TFF1: variants seen among roughly 807,000 people sequenced by gnomAD.
The protein encoded by TFF1 is trefoil factor 1.
A neutral mutation model predicts 7.7 loss-of-function variants in TFF1; 8 were observed. That is an observed-to-expected ratio of 1.04 (90% CI 0.61 to 1.87). The LOEUF is 1.87. Among genes scored for constraint, TFF1 ranks in the 40% most tolerant of loss-of-function variants. The pLI, the probability that TFF1 is intolerant of heterozygous loss-of-function variation, is 0.00. For missense variants in TFF1, 120 were observed against 113.4 expected, an observed-to-expected ratio of 1.06 and a Z score of -0.26; for synonymous variants, 47 against 44.8, an observed-to-expected ratio of 1.05 and a Z score of -0.19.
chr21:42,363,160 C>T, intron 2 of TFF1, 95 bp downstream of exon 2: 1 of 1,534,168 alleles, frequency 6.5e-7, no homozygotes, highest in Non-Finnish European at 8.9e-7. Flanking sequence ...TGTGTAAAGG[C>T]ATAGCTGGTG....
At chr21:42,362,887 C>T (rs957731435) in intron 2 of TFF1, among the ~76,000 whole-genome samples, 17 of 135,572 alleles carry the variant, frequency 1.3e-4, no homozygotes, top group African/African-American at 4.5e-4. Context: ...GGCAACGGAG[C>T]GAGACTCCAT....
chr21:42,365,794 C>T (rs73905611), intron 1 of TFF1, among the ~76,000 whole-genome samples: 3,075 of 152,258 alleles, frequency 0.02, 110 homozygotes, highest in African/African-American at 0.07. Flanking sequence ...CCTCCTCCTC[C>T]ACTCCCTAGA....
intron 1 of TFF1, among the ~76,000 whole-genome samples, chr21:42,364,387 G>T (rs570428588): frequency 6.6e-6 from 1 of 152,322 alleles, no homozygotes; most frequent in Non-Finnish European, 1.5e-5. Context: ...GGACCGGGTG[G>T]GGTGGTCTAG....
At chr21:42,363,843 T>C (rs1261105102) in intron 1 of TFF1, among the ~76,000 whole-genome samples, 1 of 152,156 alleles carries the variant, frequency 6.6e-6, no homozygotes, top group African/African-American at 2.4e-5. Context: ...CCCAGGCTCA[T>C]GCCTGTAATC....
chr21:42,364,982 G>A (rs1021806607), intron 1 of TFF1, among the ~76,000 whole-genome samples: 2 of 152,092 alleles, frequency 1.3e-5, no homozygotes. Flanking sequence ...TGGGGGTCGG[G>A]GGGGTTTCCT....
At position 42,366,517 on chromosome 21, in the gene TFF1, G is replaced by A; in HGVS notation, c.-22C>T. ...CCATTGCCTCCTCTCTGCTCCAAAG[G>A]CGACCCCGAGTCAGGGATGAGAGGC... On this transcript the variant is annotated 5_prime_UTR_variant, in exon 1 of 3. Transcript: ENST00000291527. The A allele has an allele frequency of 6.3e-7, 1 of 1,598,376 alleles. No individual in the cohort carries two copies. Among genetic ancestry groups the A allele is most frequent in the Non-Finnish European group, 8.6e-7 (1 of 1,169,034 alleles).
In TFF1 at chr21:42,366,486, T is replaced by C; in HGVS notation, c.10A>G (p.Met4Val). 6.2e-7 allele frequency: 1 copy of C among 1,611,544 alleles called. No individual in the cohort carries two copies. The highest frequency in any genetic ancestry group is 1.3e-5 in the African/African-American group (1 of 74,996). MAT[M>V]ENKVICALVL... ...AGGGCGCAGATCACCTTGTTCTCCA[T>C]GGTGGCCATTGCCTCCTCTCTGCTC... is the stretch of plus-strand genomic sequence containing the variant. The change falls in exon 1 of 3, where the codon ATG becomes GTG. Residue 4 changes from methionine to valine, a missense_variant. Physicochemically the swap from Met to Val is conservative, Grantham distance 21. Transcript: ENST00000291527.
At position 42,363,341 on chromosome 21, in the gene TFF1, C is replaced by T; in HGVS notation, c.152G>A (p.Cys51Tyr). 2 of 1,614,172 alleles carry T rather than the reference C, an allele frequency of 1.2e-6. No homozygotes were observed. The highest frequency in any genetic ancestry group is 1.7e-6 in the Non-Finnish European group (2 of 1,180,030). The change falls in exon 2 of 3, where the codon TGT (cysteine) becomes TAT (tyrosine). Residue 51 changes from cysteine to tyrosine, a missense_variant. Transcript: ENST00000291527. The part of the protein sequence containing the change: ...CGFPGVTPSQ[C>Y]ANKGCCFDDT... ...GTCGAAACAGCAGCCCTTATTTGCA[C>T]ACTGGGAGGGCGTGACACCAGGAAA...
intron 2 of TFF1, 130 bp from the exon 3 acceptor site, chr21:42,362,625 C>A: frequency 8.7e-7 from 1 of 1,151,172 alleles, no homozygotes; most frequent in South Asian, 1.6e-5. Context: ...CATGAACTGT[C>A]AGCCGGGCAC....
chr21:42,366,351 C>A, intron 1 of TFF1, 60 bp downstream of exon 1: 1 of 1,370,438 alleles, frequency 7.3e-7, no homozygotes. Flanking sequence ...AACAGTGGCT[C>A]CTGGCGGAGG....
At chr21:42,363,497 T>C in intron 1 of TFF1, 90 bp from the exon 2 acceptor site, 3 of 1,470,190 alleles carry the variant, frequency 2.0e-6, no homozygotes, top group Non-Finnish European at 2.7e-6. Flanking sequence ...CCTTCTCCAA[T>C]GACATCAGCA....
At chr21:42,364,618 A>G (rs1358389961) in intron 1 of TFF1, among the ~76,000 whole-genome samples, 2 of 152,208 alleles carry the variant, frequency 1.3e-5, no homozygotes, top group Non-Finnish European at 2.9e-5. Flanking sequence ...AGCCTGCAGC[A>G]GGGGGTGAAA....
chr21:42,362,857 C>A (rs907762374), intron 2 of TFF1, among the ~76,000 whole-genome samples: 1 of 149,284 alleles, frequency 6.7e-6, no homozygotes, highest in African/African-American at 2.5e-5. Context: ...CAAGATCGCA[C>A]CATTGCACTC....
chr21:42,364,510 G>C (rs1296606050), intron 1 of TFF1, among the ~76,000 whole-genome samples: 7 of 152,228 alleles, frequency 4.6e-5, no homozygotes, highest in Non-Finnish European at 1.0e-4. Flanking sequence ...GGCTGCCGCA[G>C]GATCTTATGC....
intron 1 of TFF1, among the ~76,000 whole-genome samples, chr21:42,365,385 C>T (rs2052271467): frequency 6.6e-6 from 1 of 152,106 alleles, no homozygotes; most frequent in South Asian, 2.1e-4. Flanking sequence ...TTCCAAAGCT[C>T]CCCCGCTCCC....
intron 1 of TFF1, among the ~76,000 whole-genome samples, chr21:42,364,779 C>T (rs113055960): frequency 3.3e-5 from 5 of 152,292 alleles, no homozygotes; most frequent in Non-Finnish European, 4.4e-5. Flanking sequence ...GGGACTGCCT[C>T]GAGATGTCTT....
Position 42,363,371 on chromosome 21 carries a change from CA to C in TFF1, c.121del (p.Cys41ValfsTer55). 1 of 1,614,156 alleles carries C rather than the reference CA, an allele frequency of 6.2e-7. No individual in the cohort carries two copies. The highest frequency in any genetic ancestry group is 2.2e-5 in the East Asian group (1 of 44,874). On this transcript the variant is annotated frameshift_variant, in exon 2 of 3. Transcript: ENST00000291527. LOFTEE classifies it high-confidence loss of function. ...GGAGGGCGTGACACCAGGAAAACCACAATTCTGTCTTTCACGGGGGGCCACT... is the reference window on the plus strand; with the variant it reads ...GGAGGGCGTGACACCAGGAAAACCACATTCTGTCTTTCACGGGGGGCCACT... ...CTVAPRERQN[C>X]GFPGVTPSQC... is the part of the protein sequence containing the mutation.
chr21:42,364,373 G>A (rs225355), intron 1 of TFF1, among the ~76,000 whole-genome samples: 70,308 of 151,976 alleles, frequency 0.46, 16,795 homozygotes, highest in Non-Finnish European at 0.52. Flanking sequence ...CAGGTAAGGT[G>A]AGAGGACCGG....
chr21:42,363,572 G>A (rs1017103408), intron 1 of TFF1, among the ~76,000 whole-genome samples, 165 bp from the exon 2 acceptor site: 4 of 152,246 alleles, frequency 2.6e-5, no homozygotes, highest in Non-Finnish European at 4.4e-5. Context: ...CTCACATCCT[G>A]ATGTGCAAAC....
Sources: allele counts gnomAD v4.1 joint callset (sites outside exome capture counted in the v4.1 genomes callset), GRCh38; gene constraint gnomAD v4.1.1; transcripts MANE v1.5; gene names NCBI Gene and HGNC (gene_info 2026-07-23, HGNC 2026-07-21).